GRM7: variants seen among roughly 807,000 people sequenced by gnomAD.
The protein encoded by GRM7 is glutamate metabotropic receptor 7.
GRM7 carries 35 observed loss-of-function variants against 84.5 expected under a neutral mutation model. The ratio of observed to expected loss-of-function variants is 0.41; its 90% CI spans 0.32 to 0.55. The LOEUF (loss-of-function observed/expected upper bound fraction) is 0.55, where lower values mean the gene tolerates loss of function less well. Among genes scored for constraint, GRM7 ranks in the 20% least tolerant of loss-of-function variants. GRM7 has a pLI of 0.19. For synonymous variants in GRM7, 487 were observed against 455.1 expected (o/e 1.07, Z -0.89); for missense variants, 1,003 against 1,194.6 (o/e 0.84, Z 2.36).
intron 9 of GRM7, among the ~76,000 whole-genome samples, chr3:7,688,298 T>C (rs1053563875): frequency 6.6e-6 from 1 of 152,086 alleles, no homozygotes; most frequent in Non-Finnish European, 1.5e-5. Context: ...AAGATTTTGA[T>C]GAGATAAAGC....
chr3:7,323,777 A>C (rs1356574409), intron 4 of GRM7, among the ~76,000 whole-genome samples: 1 of 152,208 alleles, frequency 6.6e-6, no homozygotes, highest in Admixed American at 6.5e-5. Context: ...TAATGATTAC[A>C]ACAATGACAG....
At chr3:7,299,785 G>A (rs184348633) in intron 3 of GRM7, among the ~76,000 whole-genome samples, 10 of 151,910 alleles carry the variant, frequency 6.6e-5, no homozygotes, top group Admixed American at 6.6e-4. Context: ...TTTTACATAG[G>A]TACTGTAATT....
chr3:7,128,501 C>T (rs904128848), intron 1 of GRM7, among the ~76,000 whole-genome samples: 10 of 118,420 alleles, frequency 8.4e-5, no homozygotes, highest in Admixed American at 2.3e-4. Flanking sequence ...AAAAATCAGA[C>T]TTCCTTGTTT....
chr3:7,262,470 A>T (rs539812454), intron 2 of GRM7, among the ~76,000 whole-genome samples: 1 of 152,218 alleles, frequency 6.6e-6, no homozygotes, highest in Non-Finnish European at 1.5e-5. Flanking sequence ...ATTCTTTTCT[A>T]TACTGGCTTT....
intron 4 of GRM7, among the ~76,000 whole-genome samples, chr3:7,364,985 G>C (rs1405984481): frequency 6.6e-6 from 1 of 151,740 alleles, no homozygotes; most frequent in East Asian, 1.9e-4. Flanking sequence ...AGGATACATA[G>C]GTGGCAACTT....
At chr3:7,521,595 T>C (rs1700596412) in intron 7 of GRM7, among the ~76,000 whole-genome samples, 1 of 152,174 alleles carries the variant, frequency 6.6e-6, no homozygotes, top group Admixed American at 6.5e-5. Flanking sequence ...AGAACTACAT[T>C]ACCACTCAGT....
At chr3:6,964,742 T>A (rs539411815) in intron 1 of GRM7, among the ~76,000 whole-genome samples, 13 of 152,204 alleles carry the variant, frequency 8.5e-5, no homozygotes, top group Non-Finnish European at 1.5e-4. Flanking sequence ...ATATTTGCAA[T>A]TTTTTATTTC....
At chr3:6,945,674 C>T (rs1297479969) in intron 1 of GRM7, among the ~76,000 whole-genome samples, 3 of 152,132 alleles carry the variant, frequency 2.0e-5, no homozygotes, top group East Asian at 1.9e-4. Flanking sequence ...TTTACAGTCC[C>T]ACCAACAGTG....
chr3:7,550,400 T>G (rs995800307), intron 7 of GRM7, among the ~76,000 whole-genome samples: 3 of 147,338 alleles, frequency 2.0e-5, no homozygotes, highest in Admixed American at 6.8e-5. Context: ...TTGCTTTCTT[T>G]CTTTTCTCTC....
At chr3:7,537,460 C>G (rs1045159949) in intron 7 of GRM7, among the ~76,000 whole-genome samples, 1 of 152,148 alleles carries the variant, frequency 6.6e-6, no homozygotes. Flanking sequence ...TCTACCATAG[C>G]AGATTCAAGG....
Position 7,572,872 on chromosome 3 carries a change from AT to A in GRM7, c.1516-5549del, listed in dbSNP as rs1559411960. Among the ~76,000 whole-genome samples the A allele has an allele frequency of 5.3e-4, 43 of 80,508 alleles. 1 individual carries two copies. The highest frequency in any genetic ancestry group is 1.1e-3 in the African/African-American group (25 of 21,924). 52.8% of individuals were successfully genotyped at this position (80,508 alleles called of 152,430 possible). A position where few individuals can be genotyped will look rare whatever the true frequency, so the allele number is the denominator to read the frequency against. On this transcript the variant is annotated intron_variant, in intron 7 of 9. Coordinates refer to ENST00000357716, the MANE Select transcript of GRM7 (RefSeq NM_000844.4). ...TATATATATATATATATATATATAT[AT>A]ATATATAAATAATCTTTCTACCTAT... is the stretch of plus-strand genomic sequence containing the variant.
chr3:7,160,126 C>G (rs762303365), intron 2 of GRM7, among the ~76,000 whole-genome samples: 1 of 152,058 alleles, frequency 6.6e-6, no homozygotes, highest in Non-Finnish European at 1.5e-5. Flanking sequence ...GGGATTTGGT[C>G]TTGATATTTG....
At chr3:7,200,213 A>G (rs980172160) in intron 2 of GRM7, among the ~76,000 whole-genome samples, 2 of 152,144 alleles carry the variant, frequency 1.3e-5, no homozygotes, top group Non-Finnish European at 2.9e-5. Context: ...ATTTTCCCCC[A>G]TAATACAAAC....
intron 4 of GRM7, among the ~76,000 whole-genome samples, chr3:7,379,043 C>T (rs1391822543): frequency 6.6e-6 from 1 of 152,032 alleles, no homozygotes. Context: ...ATATTAAGTG[C>T]CAGGCGTCTT....
intron 1 of GRM7, among the ~76,000 whole-genome samples, chr3:7,108,448 A>G (rs1308843738): frequency 2.6e-5 from 4 of 151,606 alleles, no homozygotes; most frequent in African/African-American, 9.7e-5. Context: ...CCTTAAAAGC[A>G]GGTGCTTGCT....
At chr3:6,926,792 A>G (rs1025735634) in intron 1 of GRM7, among the ~76,000 whole-genome samples, 1 of 152,240 alleles carries the variant, frequency 6.6e-6, no homozygotes, top group Non-Finnish European at 1.5e-5. Context: ...GATTGATTTC[A>G]TAAATCTCCT....
intron 3 of GRM7, among the ~76,000 whole-genome samples, chr3:7,300,089 G>A (rs376584974): frequency 1.4e-4 from 22 of 152,046 alleles, no homozygotes; most frequent in African/African-American, 5.3e-4. Flanking sequence ...GTCTCCCAGA[G>A]AAGTCATGCC....
At chr3:7,733,273 C>T (rs56680976) in intron 9 of GRM7, among the ~76,000 whole-genome samples, 7,200 of 152,212 alleles carry the variant, frequency 0.047, 576 homozygotes, top group African/African-American at 0.16. Context: ...CATGAACACA[C>T]TGAAGAGTGA....
At chr3:7,557,167 T>A (rs1169448960) in intron 7 of GRM7, among the ~76,000 whole-genome samples, 1 of 152,056 alleles carries the variant, frequency 6.6e-6, no homozygotes, top group Non-Finnish European at 1.5e-5. Context: ...TCCAAGACTC[T>A]GGGCCTGCCT....
Sources: allele counts gnomAD v4.1 joint callset (sites outside exome capture counted in the v4.1 genomes callset), GRCh38; gene constraint gnomAD v4.1.1; transcripts MANE v1.5; gene names NCBI Gene and HGNC (gene_info 2026-07-23, HGNC 2026-07-21).